The following CCSER1 variants were observed in gnomAD, a reference collection of about 807,000 sequenced individuals.
The protein encoded by CCSER1 is serine-rich coiled-coil domain-containing protein 1.
Under a neutral mutation model 82.0 loss-of-function variants are expected in CCSER1, and 41 were observed. The observed-to-expected ratio is 0.50, with a 90% CI of 0.39 to 0.65. CCSER1 has a LOEUF of 0.65. Among genes scored for constraint, CCSER1 ranks in the 30% least tolerant of loss-of-function variants. The pLI is 0.00. For synonymous variants in CCSER1, 414 were observed against 383.9 expected, an observed-to-expected ratio of 1.08 and a Z score of -0.92; for missense variants, 1,119 against 1,064.2, an observed-to-expected ratio of 1.05 and a Z score of -0.72.
chr4:91,025,559 A>T (rs778818403), intron 9 of CCSER1, among the ~76,000 whole-genome samples: 9 of 152,122 alleles, frequency 5.9e-5, no homozygotes, highest in Non-Finnish European at 1.0e-4. Context: ...AACTGATAAC[A>T]GTAGCAAATC....
rs28782519 is a variant in CCSER1 at position 90,267,476 on chromosome 4, G to T, written c.-41-40768G>T. Reference sequence around the variant, plus strand: ...GGGTTCGCTACCTGCTGATTGTAGAGCCCTGGACCTTGAGCAAACATAGAG... The same window carrying T: ...GGGTTCGCTACCTGCTGATTGTAGATCCCTGGACCTTGAGCAAACATAGAG... On this transcript the variant is annotated intron_variant, in intron 1 of 10. Coordinates refer to ENST00000509176, the MANE Select transcript of CCSER1 (RefSeq NM_001145065.2). 6.2e-3 allele frequency among the ~76,000 whole-genome samples: 950 copies of T among 152,238 alleles called. 8 individuals are homozygous for T. The highest frequency in any genetic ancestry group is 0.022 in the African/African-American group (923 of 41,546).
chr4:91,394,097 A>C lies in CCSER1; in HGVS notation c.2218-204475A>C, dbSNP rs528098292. 3.3e-4 allele frequency among the ~76,000 whole-genome samples: 51 copies of C among 152,246 alleles called. No individual in the cohort carries two copies. The Middle Eastern group carries it at 0.017, about 51-fold the overall frequency. ...TTGTGCAGTACCTCAGAATAAGGTG[A>C]TCCTAACCTCAGAAGCTAGATGGCC... On this transcript the variant is annotated intron_variant, in intron 10 of 10. Transcript: ENST00000509176.
chr4:91,378,757 T>A (rs955827273), intron 10 of CCSER1, among the ~76,000 whole-genome samples: 2 of 152,064 alleles, frequency 1.3e-5, no homozygotes, highest in South Asian at 2.1e-4. Context: ...TCTCCTGCCT[T>A]ATTGCCCTGG....
intron 10 of CCSER1, among the ~76,000 whole-genome samples, chr4:91,303,315 G>T (rs963759034): frequency 3.9e-5 from 6 of 151,910 alleles, no homozygotes; most frequent in East Asian, 1.9e-4. Context: ...TTATATTAAA[G>T]AATTTTCTAA....
intron 4 of CCSER1, among the ~76,000 whole-genome samples, chr4:90,445,390 G>T (rs1301008360): frequency 6.6e-6 from 1 of 152,066 alleles, no homozygotes; most frequent in Non-Finnish European, 1.5e-5. Flanking sequence ...CTTAAGTGGA[G>T]GTTTGTGATT....
intron 10 of CCSER1, among the ~76,000 whole-genome samples, chr4:91,533,128 G>T (rs1761119712): frequency 6.6e-6 from 1 of 152,088 alleles, no homozygotes; most frequent in South Asian, 2.1e-4. Flanking sequence ...TTATTATTTA[G>T]ATTATTTAAT....
intron 10 of CCSER1, among the ~76,000 whole-genome samples, chr4:91,195,931 G>C (rs1735371285): frequency 6.6e-6 from 1 of 152,044 alleles, no homozygotes; most frequent in Admixed American, 6.5e-5. Flanking sequence ...TGTTAGCCAG[G>C]ATGGTCTCGA....
At chr4:91,312,122 T>G (rs1017048521) in intron 10 of CCSER1, among the ~76,000 whole-genome samples, 1 of 151,796 alleles carries the variant, frequency 6.6e-6, no homozygotes, top group Non-Finnish European at 1.5e-5. Flanking sequence ...GTATACAAAT[T>G]TATATTGTAG....
intron 10 of CCSER1, among the ~76,000 whole-genome samples, chr4:91,550,576 T>G (rs1762114456): frequency 6.6e-6 from 1 of 152,172 alleles, no homozygotes; most frequent in Non-Finnish European, 1.5e-5. Context: ...TAGAATGGAG[T>G]GGCTATTTCT....
At chr4:90,931,336 T>C (rs1474197819) in intron 9 of CCSER1, among the ~76,000 whole-genome samples, 3 of 152,046 alleles carry the variant, frequency 2.0e-5, no homozygotes, top group Admixed American at 2.0e-4. Flanking sequence ...ACACAATGTT[T>C]AAAATGCTTA....
intron 9 of CCSER1, among the ~76,000 whole-genome samples, chr4:90,976,158 C>T (rs1032232430): frequency 4.0e-5 from 6 of 151,012 alleles, no homozygotes; most frequent in Non-Finnish European, 7.4e-5. Context: ...AAACTATTTG[C>T]CACAGATTTT....
At chr4:90,285,550 T>C (rs1729713720) in intron 1 of CCSER1, among the ~76,000 whole-genome samples, 1 of 152,062 alleles carries the variant, frequency 6.6e-6, no homozygotes. Flanking sequence ...GTTAAGTCTT[T>C]CAGTTTTTCT....
At chr4:90,425,367 A>G (rs1757384816) in intron 4 of CCSER1, among the ~76,000 whole-genome samples, 1 of 151,988 alleles carries the variant, frequency 6.6e-6, no homozygotes, top group Non-Finnish European at 1.5e-5. Context: ...TCATTTTGTT[A>G]TCTCTTCTGG....
intron 1 of CCSER1, among the ~76,000 whole-genome samples, chr4:90,208,429 C>T (rs997447897): frequency 6.6e-6 from 1 of 152,058 alleles, no homozygotes; most frequent in Admixed American, 6.6e-5. Context: ...TGGATCTTAG[C>T]TTGCTGGGCT....
chr4:90,146,440 A>G (rs186287302), intron 1 of CCSER1, among the ~76,000 whole-genome samples: 2 of 152,176 alleles, frequency 1.3e-5, no homozygotes, highest in African/African-American at 2.4e-5. Flanking sequence ...TTTACGGTGC[A>G]TATTAATGTC....
At chr4:90,510,610 C>T (rs1771360625) in intron 5 of CCSER1, among the ~76,000 whole-genome samples, 2 of 152,152 alleles carry the variant, frequency 1.3e-5, no homozygotes. Flanking sequence ...TTCTTTCATG[C>T]TTTGGAACAT....
chr4:91,265,196 A>G (rs1235280981), intron 10 of CCSER1, among the ~76,000 whole-genome samples: 1 of 152,044 alleles, frequency 6.6e-6, no homozygotes, highest in African/African-American at 2.4e-5. Flanking sequence ...TGATATCAGT[A>G]TTTGAAATCA....
chr4:90,505,056 C>G (rs1015151132), intron 5 of CCSER1, among the ~76,000 whole-genome samples: 6 of 152,326 alleles, frequency 3.9e-5, no homozygotes, highest in Middle Eastern at 3.4e-3. Context: ...CAGGAGACAT[C>G]TCACAACCAA....
At chr4:90,407,056 G>T in intron 4 of CCSER1, among the ~76,000 whole-genome samples, 1 of 151,984 alleles carries the variant, frequency 6.6e-6, no homozygotes, top group African/African-American at 2.4e-5. Context: ...AAAGACAAAA[G>T]ATAAGTGAAT....
Sources: allele counts gnomAD v4.1 joint callset (sites outside exome capture counted in the v4.1 genomes callset), GRCh38; gene constraint gnomAD v4.1.1; transcripts MANE v1.5; gene names NCBI Gene and HGNC (gene_info 2026-07-23, HGNC 2026-07-21).